Variants in CCDC171 observed in about 807,000 individuals in gnomAD.
The protein encoded by CCDC171 is coiled-coil domain-containing protein 171.
In CCDC171, 177 loss-of-function variants were observed where a neutral mutation model predicts 168.2. The ratio of observed to expected loss-of-function variants is 1.05; its 90% confidence interval spans 0.93 to 1.19. The LOEUF (loss-of-function observed/expected upper bound fraction) is 1.19, where lower values mean the gene tolerates loss of function less well. Ranked by LOEUF, CCDC171 falls within the 50% of genes most tolerant of loss-of-function variation. The pLI is 0.00. For missense variants in CCDC171, 1,991 were observed against 1,539.0 expected, an observed-to-expected ratio of 1.29 and a Z score of -4.91; for synonymous variants, 687 against 540.8, an observed-to-expected ratio of 1.27 and a Z score of -3.75.
chr9:15,939,955 A>G (rs1457201185), intron 25 of CCDC171, among the ~76,000 whole-genome samples: 1 of 151,844 alleles, frequency 6.6e-6, no homozygotes, highest in Non-Finnish European at 1.5e-5. Flanking sequence ...TTGTAAAATT[A>G]TTTTATTTGT....
chr9:15,597,001 C>G (rs1389251582), intron 6 of CCDC171, among the ~76,000 whole-genome samples: 1 of 152,008 alleles, frequency 6.6e-6, no homozygotes, highest in Non-Finnish European at 1.5e-5. Flanking sequence ...ATTTTGTATC[C>G]TGAGACTTTG....
chr9:16,037,774 A>G (rs569751738), intron 8 of CCDC171, among the ~76,000 whole-genome samples: 2 of 152,310 alleles, frequency 1.3e-5, no homozygotes, highest in East Asian at 3.9e-4. Flanking sequence ...ATTCCAATTC[A>G]GAATGCATCA....
chr9:15,740,500 T>C (rs1456254455), intron 16 of CCDC171, among the ~76,000 whole-genome samples: 1 of 152,098 alleles, frequency 6.6e-6, no homozygotes, highest in Non-Finnish European at 1.5e-5. Context: ...AGTGGTGTGA[T>C]CTTGGGTTGC....
At chr9:15,567,604 G>A (rs1333491762) in intron 2 of CCDC171, among the ~76,000 whole-genome samples, 1 of 151,914 alleles carries the variant, frequency 6.6e-6, no homozygotes, top group Non-Finnish European at 1.5e-5. Context: ...CACTTGTTTA[G>A]CTTTTCAACT....
chr9:15,788,229 G>C (rs1051855399), intron 21 of CCDC171, among the ~76,000 whole-genome samples: 1 of 152,112 alleles, frequency 6.6e-6, no homozygotes, highest in African/African-American at 2.4e-5. Context: ...TCTGTTGCTT[G>C]GGCAAATTAC....
intron 21 of CCDC171, among the ~76,000 whole-genome samples, chr9:15,822,000 A>G (rs1467340665): frequency 6.6e-6 from 1 of 152,192 alleles, no homozygotes; most frequent in East Asian, 1.9e-4. Context: ...AGACCCCGGA[A>G]CACAACAGAG....
At chr9:15,619,593 A>G (rs539098481) in intron 6 of CCDC171, among the ~76,000 whole-genome samples, 91 of 152,334 alleles carry the variant, frequency 6.0e-4, no homozygotes, top group Non-Finnish European at 1.3e-4. Context: ...CTTTTAGGGA[A>G]ATAAGACTTC....
intron 6 of CCDC171, among the ~76,000 whole-genome samples, chr9:15,621,186 C>G (rs913194014): frequency 1.3e-5 from 2 of 152,172 alleles, no homozygotes; most frequent in African/African-American, 4.8e-5. Context: ...AGGCTTGTCT[C>G]AGATTCCTGG....
At chr9:15,647,406 C>G (rs545515680) in intron 7 of CCDC171, among the ~76,000 whole-genome samples, 1 of 151,978 alleles carries the variant, frequency 6.6e-6, no homozygotes, top group Non-Finnish European at 1.5e-5. Context: ...AAGAGCAGAA[C>G]TGAAGGAGAT....
chr9:15,700,459 C>T (rs191127773), intron 11 of CCDC171, among the ~76,000 whole-genome samples: 431 of 152,234 alleles, frequency 2.8e-3, no homozygotes, highest in Non-Finnish European at 5.1e-3. Flanking sequence ...GAGTGGGCTG[C>T]GGCCTTGGCC....
chr9:15,952,912 AT>A (rs764870947), intron 25 of CCDC171, among the ~76,000 whole-genome samples: 1 of 152,052 alleles, frequency 6.6e-6, no homozygotes, highest in Non-Finnish European at 1.5e-5. Flanking sequence ...GGTTAATTTA[AT>A]GCCTAGGTAT....
At chr9:16,062,815 A>T (rs905476225), downstream of CCDC171, among the ~76,000 whole-genome samples, 1 of 152,176 alleles carries the variant, frequency 6.6e-6, no homozygotes, top group African/African-American at 2.4e-5. Flanking sequence ...GTGAGGGACG[A>T]ATTAATTGTA....
chr9:16,021,892 G>A (rs1342112440), intron 4 of CCDC171, among the ~76,000 whole-genome samples: 1 of 152,208 alleles, frequency 6.6e-6, no homozygotes, highest in Non-Finnish European at 1.5e-5. Flanking sequence ...GCTGATGAGT[G>A]ATGAGCATGT....
At chr9:15,662,145 C>T (rs571970811) in intron 8 of CCDC171, among the ~76,000 whole-genome samples, 2 of 152,156 alleles carry the variant, frequency 1.3e-5, no homozygotes, top group South Asian at 4.2e-4. Flanking sequence ...GGTGTGGTGG[C>T]GCATGCCTGT....
chr9:15,793,551 G>GTTTTTTTT lies in CCDC171; in HGVS notation c.3267+8879_3267+8886dup, dbSNP rs3082839. 2.1e-4 allele frequency among the ~76,000 whole-genome samples: 16 copies of GTTTTTTTT among 77,060 alleles called. 1 individual carries two copies. Among genetic ancestry groups the GTTTTTTTT allele is most frequent in the East Asian group, 8.6e-4 (2 of 2,318 alleles). 50.6% of individuals were successfully genotyped at this position (77,060 alleles called of 152,430 possible). A position where few individuals can be genotyped will look rare whatever the true frequency, so the allele number is the denominator to read the frequency against. The stretch of plus-strand genomic sequence containing the variant: ...AGCACCACATCGCACTTATTCCAAG[G>GTTTTTTTT]TTTTTTTTTTTTTTTTTTTTTTTTT... On this transcript the variant is annotated intron_variant, in intron 21 of 25. Transcript: ENST00000380701.
At chr9:16,000,142 C>T (rs1471401156) in intron 3 of CCDC171, among the ~76,000 whole-genome samples, 1 of 152,206 alleles carries the variant, frequency 6.6e-6, no homozygotes, top group Non-Finnish European at 1.5e-5. Context: ...AGTCACATTG[C>T]ATGCCCTGCT....
intron 25 of CCDC171, among the ~76,000 whole-genome samples, chr9:15,952,112 C>A (rs1294247356): frequency 6.6e-6 from 1 of 152,130 alleles, no homozygotes; most frequent in East Asian, 1.9e-4. Context: ...ATGCAGTTCT[C>A]CTAGCACTGT....
At chr9:15,893,032 A>G (rs1450737246) in intron 24 of CCDC171, among the ~76,000 whole-genome samples, 1 of 152,226 alleles carries the variant, frequency 6.6e-6, no homozygotes, top group Non-Finnish European at 1.5e-5. Context: ...CTGACTTCAA[A>G]CTATATTACA....
intron 24 of CCDC171, among the ~76,000 whole-genome samples, chr9:15,910,478 A>G (rs1396676643): frequency 6.6e-6 from 1 of 152,078 alleles, no homozygotes; most frequent in Non-Finnish European, 1.5e-5. Context: ...GCCTTGTAGT[A>G]TAATTTGAAG....
Sources: gnomAD v4.1 joint callset for allele counts (sites outside exome capture counted in the v4.1 genomes callset) on GRCh38, gnomAD v4.1.1 for gene constraint, MANE v1.5 for transcripts, NCBI Gene and HGNC (gene_info 2026-07-23, HGNC 2026-07-21) for gene names.